The following DNER variants were observed in gnomAD, a reference collection of about 807,000 sequenced individuals.
DNER encodes the protein delta/notch like EGF repeat containing.
In DNER, 33 loss-of-function variants were observed where a neutral mutation model predicts 78.2. That is an observed-to-expected ratio of 0.42 (90% CI 0.32 to 0.56). The LOEUF (loss-of-function observed/expected upper bound fraction) is 0.56. Among genes scored for constraint, DNER ranks in the 20% least tolerant of loss-of-function variants. DNER has a pLI of 0.11. For missense variants in DNER, 918 were observed against 975.3 expected, an observed-to-expected ratio of 0.94 and a Z score of 0.78; for synonymous variants, 417 against 384.8, an observed-to-expected ratio of 1.08 and a Z score of -0.98.
chr2:229,524,552 A>C (rs988595912), intron 5 of DNER, among the ~76,000 whole-genome samples: 1 of 152,208 alleles, frequency 6.6e-6, no homozygotes, highest in African/African-American at 2.4e-5. Context: ...GAGGCAATGA[A>C]ATCAAATCAA....
chr2:229,561,985 T>G (rs1269676141), intron 4 of DNER, among the ~76,000 whole-genome samples: 1 of 152,180 alleles, frequency 6.6e-6, no homozygotes, highest in Non-Finnish European at 1.5e-5. Context: ...TGTGACAGCT[T>G]GGACAGCCAG....
chr2:229,483,623 C>A (rs778423768), intron 6 of DNER, among the ~76,000 whole-genome samples: 11 of 152,152 alleles, frequency 7.2e-5, no homozygotes, highest in Non-Finnish European at 1.6e-4. Context: ...CACAAGGGAA[C>A]GCATACAAAA....
chr2:229,390,771 A>C (rs928809548), intron 10 of DNER, among the ~76,000 whole-genome samples: 3 of 152,256 alleles, frequency 2.0e-5, no homozygotes, highest in African/African-American at 7.2e-5. Context: ...CTTAGCTGAC[A>C]GCTATTTCTG....
rs151174351 is a variant in DNER, at chr2:229,554,011, T to G, written c.848-6919A>C. Among the ~76,000 whole-genome samples, 83 of 152,272 alleles carry G rather than the reference T, an allele frequency of 5.5e-4. 1 individual carries two copies. Among genetic ancestry groups the G allele is most frequent in the African/African-American group, 2.0e-3 (82 of 41,568 alleles). The stretch of plus-strand genomic sequence containing the variant: ...TGCTAAGACAATGTGCTGGACATTG[T>G]TAAGTAGGAATAATAACCCAAGTAG... On this transcript the variant is annotated intron_variant, in intron 4 of 12. Transcript: ENST00000341772.
At chr2:229,643,354 T>G (rs1447305668) in intron 1 of DNER, among the ~76,000 whole-genome samples, 3 of 152,222 alleles carry the variant, frequency 2.0e-5, no homozygotes, top group Admixed American at 2.0e-4. Context: ...TCTTAAGCTG[T>G]CTGCCTGAAT....
chr2:229,604,558 C>G (rs910885515), intron 1 of DNER, among the ~76,000 whole-genome samples: 1 of 152,076 alleles, frequency 6.6e-6, no homozygotes, highest in African/African-American at 2.4e-5. Flanking sequence ...TAGTAAAAGT[C>G]GGGGGAGGCT....
intron 8 of DNER, among the ~76,000 whole-genome samples, chr2:229,425,777 A>C (rs1162817587): frequency 2.0e-5 from 3 of 152,152 alleles, no homozygotes; most frequent in Non-Finnish European, 2.9e-5. Flanking sequence ...CCAGCGACTC[A>C]TCTGTCAGTA....
At chr2:229,583,725 A>G (rs1697443504) in intron 4 of DNER, among the ~76,000 whole-genome samples, 1 of 152,226 alleles carries the variant, frequency 6.6e-6, no homozygotes, top group African/African-American at 2.4e-5. Flanking sequence ...CTTTTAGATA[A>G]ATCTTTACAG....
intron 8 of DNER, among the ~76,000 whole-genome samples, chr2:229,421,370 A>G (rs1693759187): frequency 6.6e-6 from 1 of 151,992 alleles, no homozygotes; most frequent in Admixed American, 6.6e-5. Flanking sequence ...TGTATGGTAA[A>G]TAATACTGTA....
At position 229,642,789 on chromosome 2, in the gene DNER, C is replaced by T. The variant is rs1698649839; in HGVS notation, c.277-50901G>A. 2.6e-5 allele frequency among the ~76,000 whole-genome samples: 4 copies of T among 152,220 alleles called. No individual in the cohort carries two copies. The South Asian group carries it at 8.3e-4, about 32-fold the overall frequency. Reference sequence around the variant, plus strand: ...ATCTTCTCTAGGGTATAAACATCCCCTATAAATGCAGAGAACCAACAATTG... The same window carrying T: ...ATCTTCTCTAGGGTATAAACATCCCTTATAAATGCAGAGAACCAACAATTG... On this transcript the variant is annotated intron_variant, in intron 1 of 12. Transcript: ENST00000341772.
At position 229,652,241 on chromosome 2, in the gene DNER, C is replaced by T. The variant is rs1022729976; in HGVS notation, c.277-60353G>A. ...AGTTCAGATTCATGTTCTGCTGGGG[C>T]TAGCTAGGTTGGCCACGCAGACTCC... On this transcript the variant is annotated intron_variant, in intron 1 of 12. Coordinates refer to ENST00000341772, the MANE Select transcript of DNER (RefSeq NM_139072.4). 9.9e-5 allele frequency among the ~76,000 whole-genome samples: 15 copies of T among 152,280 alleles called. No homozygotes were observed. In the East Asian group the frequency reaches 2.5e-3, roughly 25 times the overall value.
intron 7 of DNER, among the ~76,000 whole-genome samples, chr2:229,469,626 T>G (rs1574857231): frequency 6.6e-6 from 1 of 152,194 alleles, no homozygotes; most frequent in Admixed American, 6.5e-5. Flanking sequence ...AGCTGTTAAC[T>G]GCTAAGTTAT....
At chr2:229,681,652 G>A (rs1400916061) in intron 1 of DNER, among the ~76,000 whole-genome samples, 1 of 151,996 alleles carries the variant, frequency 6.6e-6, no homozygotes, top group African/African-American at 2.4e-5. Context: ...CCTGAGTCGT[G>A]GGCAGCCACA....
At chr2:229,424,359 C>A (rs549265796) in intron 8 of DNER, among the ~76,000 whole-genome samples, 10 of 152,348 alleles carry the variant, frequency 6.6e-5, no homozygotes, top group Middle Eastern at 3.4e-3. Flanking sequence ...GTAGTCAATC[C>A]TGTGTGTTCT....
chr2:229,657,020 C>T (rs1306648789), intron 1 of DNER, among the ~76,000 whole-genome samples: 1 of 69,444 alleles, frequency 1.4e-5, no homozygotes, highest in Non-Finnish European at 2.9e-5. Flanking sequence ...GTGGTGAGAA[C>T]ATGCCAAGAT....
intron 10 of DNER, 53 bp downstream of exon 10, chr2:229,407,179 A>C: frequency 1.3e-6 from 2 of 1,523,112 alleles, no homozygotes; most frequent in Non-Finnish European, 1.8e-6. Flanking sequence ...TAACATCTGC[A>C]ATCTCGGGCA....
intron 3 of DNER, chr2:229,587,071 G>T: frequency 2.2e-6 from 2 of 889,920 alleles, no homozygotes; most frequent in Non-Finnish European, 2.7e-6. Context: ...TGGCAGGTTT[G>T]TTGAGAGGAA....
At chr2:229,499,922 A>ACTTTCTTT (rs138439305) in intron 6 of DNER, among the ~76,000 whole-genome samples, 3 of 115,714 alleles carry the variant, frequency 2.6e-5, no homozygotes, top group South Asian at 3.7e-4. Context: ...ATCTGAATAG[A>ACTTTCTTT]CTTTCTTTCT....
At chr2:229,442,470 G>A (rs1452381068) in intron 8 of DNER, among the ~76,000 whole-genome samples, 2 of 151,704 alleles carry the variant, frequency 1.3e-5, no homozygotes, top group South Asian at 2.1e-4. Flanking sequence ...AGCTGAGACT[G>A]TGCCACTGCA....
Sources: gnomAD v4.1 joint callset for allele counts (sites outside exome capture counted in the v4.1 genomes callset) on GRCh38, gnomAD v4.1.1 for gene constraint, MANE v1.5 for transcripts, NCBI Gene and HGNC (gene_info 2026-07-23, HGNC 2026-07-21) for gene names.